TMEM170A: variants seen among roughly 807,000 people sequenced by gnomAD.
TMEM170A encodes transmembrane protein 170A, also known as transmembrane protein 170.
A neutral mutation model predicts 12.8 loss-of-function variants in TMEM170A; 18 were observed. The ratio of observed to expected loss-of-function variants is 1.41; its 90% CI spans 0.97 to 2.09. The LOEUF (loss-of-function observed/expected upper bound fraction) is 2.09, where lower values mean the gene tolerates loss of function less well. TMEM170A is among the 30% of genes most tolerant of loss of function. The pLI is 0.00. For missense variants in TMEM170A, 220 were observed against 179.9 expected, an observed-to-expected ratio of 1.22 and a Z score of -1.28; for synonymous variants, 107 against 76.2, an observed-to-expected ratio of 1.40 and a Z score of -2.11.
At position 75,464,484 on chromosome 16, in the gene TMEM170A, G is replaced by A. The variant is rs367735501; in HGVS notation, c.117C>T (p.Ser39=). 319 of 1,561,544 alleles carry A rather than the reference G, an allele frequency of 2.0e-4. No individual in the cohort carries two copies. The highest frequency in any genetic ancestry group is 2.6e-4 in the Non-Finnish European group (299 of 1,158,170). The change falls in exon 1 of 3, where the codon TCC becomes TCT. Residue 39 remains serine, a synonymous_variant. Coordinates refer to ENST00000561878, the MANE Select transcript of TMEM170A (RefSeq NM_145254.3). ...GNGTLCPNST[S]LCSFPEMWYG... The stretch of plus-strand genomic sequence containing the variant: ...GGGCCGTACCTGGGAAGGAGCAGAG[G>A]GAAGTAGAGTTGGGGCACAGGGTCC...
Position 75,464,584 on chromosome 16 carries a change from C to G in TMEM170A, c.17G>C (p.Ser6Thr), listed in dbSNP as rs749537258. The change falls in exon 1 of 3, where the codon AGC becomes ACC. Residue 6 changes from serine to threonine, a missense_variant. Ser to Thr is a moderately conservative substitution (Grantham distance 58). Transcript: ENST00000561878. MEREG[S>T]GGSGGSAGLL... is the part of the protein sequence containing the mutation. ...CCCGGCCGACCCGCCGCTGCCGCCG[C>G]TCCCCTCGCGCTCCATCCCGTCGCC... 1.5e-5 allele frequency: 24 copies of G among 1,586,766 alleles called. No homozygotes were observed. Among genetic ancestry groups the G allele is most frequent in the Non-Finnish European group, 2.1e-5 (24 of 1,169,306 alleles).
intron 1 of TMEM170A, 149 bp downstream of exon 1, chr16:75,464,319 C>T: frequency 1.4e-6 from 2 of 1,449,912 alleles, no homozygotes; most frequent in Non-Finnish European, 1.8e-6. Context: ...AAAGGGGCTC[C>T]GGGCGAGCAG....
rs1204263463 is a variant in TMEM170A at position 75,464,485 on chromosome 16, G to C, written c.116C>G (p.Ser39Cys). ...GGCCGTACCTGGGAAGGAGCAGAGG[G>C]AAGTAGAGTTGGGGCACAGGGTCCC... ...GNGTLCPNST[S>C]LCSFPEMWYG... The change falls in exon 1 of 3, where the codon TCC becomes TGC. Residue 39 changes from serine (S) to cysteine (C), a missense_variant. Transcript: ENST00000561878. The C allele has an allele frequency of 1.0e-5, 16 of 1,565,474 alleles. No individual in the cohort carries two copies. The highest frequency in any genetic ancestry group is 1.3e-5 in the Non-Finnish European group (15 of 1,159,870).
At chr16:75,453,270 C>CA (rs1189533653) in intron 1 of TMEM170A, among the ~76,000 whole-genome samples, 1 of 152,066 alleles carries the variant, frequency 6.6e-6, no homozygotes, top group East Asian at 1.9e-4. Flanking sequence ...CCTGTCTCTA[C>CA]AAAAAATACA....
intron 1 of TMEM170A, among the ~76,000 whole-genome samples, chr16:75,461,531 G>A (rs1273756773): frequency 6.6e-6 from 1 of 152,160 alleles, no homozygotes; most frequent in African/African-American, 2.4e-5. Flanking sequence ...CCTTTTCTGT[G>A]GGGCCAAAAT....
chr16:75,451,994 C>T (rs544505107), intron 1 of TMEM170A, among the ~76,000 whole-genome samples, 155 bp from the exon 2 acceptor site: 13 of 151,942 alleles, frequency 8.6e-5, no homozygotes, highest in Admixed American at 2.6e-4. Flanking sequence ...TTTTTTGAGA[C>T]GGAGTCTCGC....
chr16:75,447,809 A>C, intron 2 of TMEM170A, 121 bp from the exon 3 acceptor site: 1 of 1,163,504 alleles, frequency 8.6e-7, no homozygotes. Context: ...CTGAAATTTA[A>C]ATCTTACAGA....
At chr16:75,451,936 C>A in intron 1 of TMEM170A, 97 bp from the exon 2 acceptor site, 1 of 1,136,216 alleles carries the variant, frequency 8.8e-7, no homozygotes, top group Non-Finnish European at 1.2e-6. Flanking sequence ...ATTTTCAACA[C>A]CGTTTCTTTT....
At chr16:75,455,794 A>G (rs2079781924) in intron 1 of TMEM170A, among the ~76,000 whole-genome samples, 1 of 152,220 alleles carries the variant, frequency 6.6e-6, no homozygotes, top group South Asian at 2.1e-4. Flanking sequence ...AAACAAGGTA[A>G]GAAAAAACAA....
intron 1 of TMEM170A, among the ~76,000 whole-genome samples, chr16:75,455,250 G>A (rs1041869361): frequency 6.6e-6 from 1 of 151,882 alleles, no homozygotes; most frequent in Non-Finnish European, 1.5e-5. Context: ...CCAGCTACTT[G>A]GGAGGCTGAG....
intron 1 of TMEM170A, among the ~76,000 whole-genome samples, chr16:75,460,440 G>A (rs899925464): frequency 2.0e-5 from 3 of 151,994 alleles, no homozygotes; most frequent in Non-Finnish European, 4.4e-5. Context: ...GGCACCCTGG[G>A]CTCCTCAGTG....
At chr16:75,450,532 A>C (rs962596922) in intron 2 of TMEM170A, among the ~76,000 whole-genome samples, 14 of 152,236 alleles carry the variant, frequency 9.2e-5, no homozygotes, top group African/African-American at 2.7e-4. Flanking sequence ...CAAAAGCCAT[A>C]ACAAACCAAA....
At position 75,444,810 on chromosome 16, in the gene TMEM170A, A is replaced by C. The variant is rs1250828607; in HGVS notation, c.*2748T>G. ...TACCTTTTATACGTTTAGTTTTTTA[A>C]AAGAGTAGATAACCAAAATATATCA... On this transcript the variant is annotated 3_prime_UTR_variant, in exon 3 of 3. Coordinates refer to ENST00000561878, the MANE Select transcript of TMEM170A (RefSeq NM_145254.3). 6.6e-6 allele frequency: 1 copy of C among 152,152 alleles called. No individual in the cohort carries two copies. The highest frequency in any genetic ancestry group is 1.5e-5 in the Non-Finnish European group (1 of 68,032). 9.4% of individuals were successfully genotyped at this position (152,152 alleles called of 1,614,324 possible).
At position 75,451,771 on chromosome 16, in the gene TMEM170A, G is replaced by C. The variant is rs1165496302; in HGVS notation, c.202C>G (p.Leu68Val). 1.9e-6 allele frequency: 3 copies of C among 1,614,030 alleles called. No homozygotes were observed. The highest frequency in any genetic ancestry group is 2.7e-5 in the African/African-American group (2 of 74,912). ...TGATGTCTGAGGGTGAAGAGGGCCA[G>C]TAATCCAGCAGGGACATGAAAGAAG... is the stretch of plus-strand genomic sequence containing the variant. ...SLFFHVPAGL[L>V]ALFTLRHHKY... The change falls in exon 2 of 3, where the codon CTG becomes GTG. Residue 68 changes from leucine to valine, a missense_variant. Transcript: ENST00000561878.
rs1367291497 is a variant in TMEM170A at position 75,445,535 on chromosome 16, A to C, written c.*2023T>G. On this transcript the variant is annotated 3_prime_UTR_variant, in exon 3 of 3. Transcript: ENST00000561878. ...CAGTCTTGAACTCTTGGGCTCAAGC[A>C]ATCCTCCCACATCGACCTCCCAAAG... 2 of 152,220 alleles carry C rather than the reference A, an allele frequency of 1.3e-5. No homozygotes were observed. Among genetic ancestry groups the C allele is most frequent in the African/African-American group, 4.8e-5 (2 of 41,392 alleles). 9.4% of individuals were successfully genotyped at this position (152,220 alleles called of 1,614,324 possible). A position where few individuals can be genotyped will look rare whatever the true frequency, so the allele number is the denominator to read the frequency against.
In TMEM170A at chr16:75,443,435, T is replaced by C. The variant is rs986578217; in HGVS notation, c.*4123A>G. 5 of 152,100 alleles carry C rather than the reference T, an allele frequency of 3.3e-5. No individual in the cohort carries two copies. The highest frequency in any genetic ancestry group is 5.9e-5 in the Non-Finnish European group (4 of 68,018). The allele number at this position is 152,100 out of a possible 1,614,324, so 9.4% of individuals were successfully genotyped here. On this transcript the variant is annotated 3_prime_UTR_variant, in exon 3 of 3. Transcript: ENST00000561878. ...CCTTATAGAGTGCACAAAAAAGAAATGCAAGTACACGACATTTCTGCATAT... is the reference window on the plus strand; with the variant it reads ...CCTTATAGAGTGCACAAAAAAGAAACGCAAGTACACGACATTTCTGCATAT...
chr16:75,461,890 A>G (rs560789520), intron 1 of TMEM170A, among the ~76,000 whole-genome samples: 1 of 152,230 alleles, frequency 6.6e-6, no homozygotes, highest in African/African-American at 2.4e-5. Context: ...TGAAAGTAAA[A>G]CAATTCACAT....
At chr16:75,451,409 C>T (rs2079678939) in intron 2 of TMEM170A, 1 of 557,166 alleles carries the variant, frequency 1.8e-6, no homozygotes, top group Admixed American at 3.3e-5. Flanking sequence ...ATTAGCGGGG[C>T]ATGGTGGCAC....
chr16:75,464,232 C>G (rs535308234), intron 1 of TMEM170A: 1 of 1,503,516 alleles, frequency 6.7e-7, no homozygotes. Context: ...CCGGGCCCAC[C>G]TGCGGCCGCT....
Sources: gnomAD v4.1 joint callset for allele counts (sites outside exome capture counted in the v4.1 genomes callset) on GRCh38, gnomAD v4.1.1 for gene constraint, MANE v1.5 for transcripts, NCBI Gene and HGNC (gene_info 2026-07-23, HGNC 2026-07-21) for gene names.